EVC: variants seen among roughly 807,000 people sequenced by gnomAD.
The protein encoded by EVC is evC complex member EVC.
In EVC, 116 loss-of-function variants were observed where a neutral mutation model predicts 118.9. The observed-to-expected ratio is 0.98, with a 90% CI of 0.84 to 1.14. EVC has a LOEUF of 1.14. Among genes scored for constraint, EVC ranks in the 50% most tolerant of loss-of-function variants. The pLI is 0.00. For missense variants in EVC, 1,401 were observed against 1,246.4 expected, an observed-to-expected ratio of 1.12 and a Z score of -1.87; for synonymous variants, 619 against 534.7, an observed-to-expected ratio of 1.16 and a Z score of -2.18.
chr4:5,800,360 A>T (rs1185563719), intron 15 of EVC, among the ~76,000 whole-genome samples: 1 of 152,152 alleles, frequency 6.6e-6, no homozygotes, highest in African/African-American at 2.4e-5. Context: ...CAAACAAACA[A>T]ACAAAAAACA....
Position 5,797,316 on chromosome 4 carries a change from C to T in EVC, c.2097+84C>T, listed in dbSNP as rs915974782. 4.3e-6 allele frequency: 5 copies of T among 1,174,918 alleles called. No homozygotes were observed. The African/African-American group carries it at 6.1e-5, about 14-fold the overall frequency. 72.8% of individuals were successfully genotyped at this position (1,174,918 alleles called of 1,614,324 possible). ...CCAGCTTCCAGCAGGTTTGCCAGAACCCGAATCCTATCACCCTTGGTGCTG... is the reference window on the plus strand; with the variant it reads ...CCAGCTTCCAGCAGGTTTGCCAGAATCCGAATCCTATCACCCTTGGTGCTG... On this transcript the variant is annotated intron_variant, in intron 14 of 20. Coordinates refer to ENST00000264956, the MANE Select transcript of EVC (RefSeq NM_153717.3).
At position 5,719,501 on chromosome 4, in the gene EVC, C is replaced by A; in HGVS notation, c.300+128C>A. The A allele has an allele frequency of 7.6e-7, 1 of 1,319,838 alleles. No homozygotes were observed. Among genetic ancestry groups the A allele is most frequent in the Non-Finnish European group, 1.1e-6 (1 of 922,646 alleles). The allele number at this position is 1,319,838 out of a possible 1,614,324, so 81.8% of individuals were successfully genotyped here. A position where few individuals can be genotyped will look rare whatever the true frequency, so the allele number is the denominator to read the frequency against. On this transcript the variant is annotated intron_variant, in intron 2 of 20. Coordinates refer to ENST00000264956, the MANE Select transcript of EVC (RefSeq NM_153717.3). This position sits in a 1 kb window ranked among gnomAD's most constrained non-coding sequence, Gnocchi z 4.7. ...TTCCCAATGGGCTGCTTTTCTGAGGCATAATTTACATACAGTCAAATGCGC... is the reference window on the plus strand; with the variant it reads ...TTCCCAATGGGCTGCTTTTCTGAGGAATAATTTACATACAGTCAAATGCGC...
rs752257338 is a variant in EVC at position 5,738,679 on chromosome 4, G to A, written c.703-3037G>A. Among the ~76,000 whole-genome samples the A allele has an allele frequency of 1.5e-4, 22 of 150,710 alleles. No homozygotes were observed. Among genetic ancestry groups the A allele is most frequent in the Non-Finnish European group, 2.8e-4 (19 of 67,836 alleles). On this transcript the variant is annotated intron_variant, in intron 5 of 20. Coordinates refer to ENST00000264956, the MANE Select transcript of EVC (RefSeq NM_153717.3). This position sits in a 1 kb window ranked among gnomAD's most constrained non-coding sequence, Gnocchi z 6.5. Reference sequence around the variant, plus strand: ...CCTCCCAGATTCAAGTGATTCTCCCGCCTCAGCCTCCCGAGCAGCTGGGAC... The same window carrying A: ...CCTCCCAGATTCAAGTGATTCTCCCACCTCAGCCTCCCGAGCAGCTGGGAC...
intron 11 of EVC, among the ~76,000 whole-genome samples, chr4:5,773,259 G>A (rs1285007229): frequency 3.9e-5 from 6 of 152,124 alleles, no homozygotes; most frequent in Non-Finnish European, 8.8e-5. Flanking sequence ...ACAAGACACC[G>A]GGAAACCCAG....
chr4:5,735,837 G>T (rs764653199), intron 5 of EVC, among the ~76,000 whole-genome samples: 1 of 152,160 alleles, frequency 6.6e-6, no homozygotes, highest in East Asian at 1.9e-4. Context: ...GATTGGCACC[G>T]CCCTGAAAGA....
At chr4:5,714,118 T>C (rs1406329161) in intron 1 of EVC, among the ~76,000 whole-genome samples, 1 of 152,182 alleles carries the variant, frequency 6.6e-6, no homozygotes, top group Admixed American at 6.5e-5. Flanking sequence ...TTAGACTCTA[T>C]CCTGCTCAGC....
intron 13 of EVC, among the ~76,000 whole-genome samples, chr4:5,795,452 G>A (rs906507126): frequency 2.6e-5 from 4 of 152,144 alleles, no homozygotes; most frequent in Non-Finnish European, 5.9e-5. Context: ...AGGAGTTCAA[G>A]ACCACCCTAG....
chr4:5,781,859 A>G (rs1735648574), intron 11 of EVC, among the ~76,000 whole-genome samples: 1 of 152,120 alleles, frequency 6.6e-6, no homozygotes, highest in Non-Finnish European at 1.5e-5. Context: ...CTGCACAATG[A>G]AACATGCAAT....
chr4:5,754,775 A>G lies in EVC; in HGVS notation c.1464+842A>G, dbSNP rs534006820. ...CAGCTTCCACATCTGTGAAATGGGC[A>G]TAATGGCACCTATATCACAGCATTG... On this transcript the variant is annotated intron_variant, in intron 10 of 20. Coordinates refer to ENST00000264956, the MANE Select transcript of EVC (RefSeq NM_153717.3). This position sits in a 1 kb window ranked among gnomAD's most constrained non-coding sequence, Gnocchi z 5.8. 2.0e-5 allele frequency among the ~76,000 whole-genome samples: 3 copies of G among 152,180 alleles called. No homozygotes were observed. The highest frequency in any genetic ancestry group is 4.4e-5 in the Non-Finnish European group (3 of 68,020).
In EVC at chr4:5,725,086, G is replaced by A. The variant is rs142796204; in HGVS notation, c.301-4221G>A. ...CCTTTTTATGGCTGCATAGCATTCC[G>A]TAGTGTATATGTACCACATTTTCTT... On this transcript the variant is annotated intron_variant, in intron 2 of 20. Coordinates refer to ENST00000264956, the MANE Select transcript of EVC (RefSeq NM_153717.3). Among the ~76,000 whole-genome samples, 30 of 152,274 alleles carry A rather than the reference G, an allele frequency of 2.0e-4. No homozygotes were observed. In the East Asian group the frequency reaches 3.3e-3, roughly 17 times the overall value.
At chr4:5,825,286 GC>G in the EVC span, 1 of 985,172 alleles carries the variant, frequency 1.0e-6, no homozygotes, top group Non-Finnish European at 1.2e-6. This position sits in a 1 kb window ranked among gnomAD's most constrained non-coding sequence, Gnocchi z 4.4. Context: ...CCACCATGTT[GC>G]CCCCCTAACA....
intron 11 of EVC, among the ~76,000 whole-genome samples, chr4:5,776,439 A>C (rs1381381188): frequency 6.6e-6 from 1 of 152,152 alleles, no homozygotes; most frequent in African/African-American, 2.4e-5. Flanking sequence ...CATCAAGGTC[A>C]TGGGCACTGG....
intron 11 of EVC, among the ~76,000 whole-genome samples, chr4:5,771,208 T>C (rs1424990043): frequency 6.6e-6 from 1 of 151,994 alleles, no homozygotes; most frequent in African/African-American, 2.4e-5. Flanking sequence ...AAAATGAAGG[T>C]GTCAGCAGGG....
the EVC span, among the ~76,000 whole-genome samples, chr4:5,823,041 T>C: frequency 2.6e-5 from 4 of 152,246 alleles, no homozygotes; most frequent in Admixed American, 2.6e-4. Flanking sequence ...TCTTGGTGAA[T>C]TTTTTTTACT....
At chr4:5,801,875 CA>C in intron 15 of EVC, 74 bp from the exon 16 acceptor site, 6 of 1,534,662 alleles carry the variant, frequency 3.9e-6, no homozygotes, top group Non-Finnish European at 5.3e-6. Context: ...CATGGGGAGG[CA>C]GGGACTGGAT....
intron 2 of EVC, among the ~76,000 whole-genome samples, chr4:5,722,671 G>A (rs1725154426): frequency 6.6e-6 from 1 of 152,192 alleles, no homozygotes; most frequent in Non-Finnish European, 1.5e-5. Context: ...TGGAGGGAGG[G>A]AGAGTGGGTG....
intron 20 of EVC, 114 bp downstream of exon 20, chr4:5,810,564 G>T (rs914105819): frequency 1.2e-5 from 10 of 804,460 alleles, no homozygotes; most frequent in Admixed American, 4.1e-5. Flanking sequence ...GGCATTAAAT[G>T]TGAAGGTTCA....
In EVC at chr4:5,783,602, G is replaced by C; in HGVS notation, c.1614G>C (p.Leu538=). 1 of 1,614,166 alleles carries C rather than the reference G, an allele frequency of 6.2e-7. No individual in the cohort carries two copies. The highest frequency in any genetic ancestry group is 8.5e-7 in the Non-Finnish European group (1 of 1,180,018). The change falls in exon 12 of 21, where the codon CTG becomes CTC. Residue 538 remains leucine (L), a synonymous_variant. Coordinates refer to ENST00000264956, the MANE Select transcript of EVC (RefSeq NM_153717.3). The part of the protein sequence containing the change: ...VDTFQKFVDA[L]FLQTLPGMTG... ...CTTTCCAGAAGTTCGTGGATGCCCT[G>C]TTCCTTCAGACGCTCCCTGGCATGA...
intron 12 of EVC, among the ~76,000 whole-genome samples, chr4:5,793,347 C>CCT (rs1713149353): frequency 6.6e-6 from 1 of 152,070 alleles, no homozygotes; most frequent in African/African-American, 2.4e-5. Flanking sequence ...TAGATCCCTT[C>CCT]CTTACTCCAC....
Sources: gnomAD v4.1 joint callset for allele counts (sites outside exome capture counted in the v4.1 genomes callset) on GRCh38, gnomAD v4.1.1 for gene constraint, Gnocchi (gnomAD v3.1) non-coding constraint, MANE v1.5 for transcripts, NCBI Gene and HGNC (gene_info 2026-07-23, HGNC 2026-07-21) for gene names.